Variants in KSR2 observed in about 807,000 individuals in gnomAD.
KSR2 encodes the protein kinase suppressor of ras 2.
A neutral mutation model predicts 107.8 loss-of-function variants in KSR2; 25 were observed. That is an observed-to-expected ratio of 0.23 (90% confidence interval 0.17 to 0.32). The LOEUF is 0.32. KSR2 is among the 10% of genes least tolerant of loss of function. The pLI is 1.00. For missense variants in KSR2, 887 were observed against 1,268.9 expected, an observed-to-expected ratio of 0.70 and a Z score of 4.57; for synonymous variants, 480 against 507.0, an observed-to-expected ratio of 0.95 and a Z score of 0.71.
At chr12:117,959,271 C>T (rs1399370737) in intron 1 of KSR2, among the ~76,000 whole-genome samples, 1 of 152,218 alleles carries the variant, frequency 6.6e-6, no homozygotes, top group Non-Finnish European at 1.5e-5. Context: ...TCAAACAGGA[C>T]TTGACTGTCA....
Position 117,776,220 on chromosome 12 carries a change from T to G in KSR2, c.473-14696A>C, listed in dbSNP as rs555867981. On this transcript the variant is annotated intron_variant, in intron 3 of 19. Coordinates refer to ENST00000339824, the MANE Select transcript of KSR2 (RefSeq NM_173598.6). ...GAATTGTTTTACAATATTTAGCATT[T>G]TAATTGTCAAGTGCAATTAAACCTG... 7.2e-5 allele frequency among the ~76,000 whole-genome samples: 11 copies of G among 152,196 alleles called. No individual in the cohort carries two copies. In the East Asian group the frequency reaches 2.1e-3, roughly 29 times the overall value.
chr12:117,719,047 A>C (rs1453578201), intron 4 of KSR2, among the ~76,000 whole-genome samples: 1 of 152,238 alleles, frequency 6.6e-6, no homozygotes, highest in Non-Finnish European at 1.5e-5. Context: ...AAATTTTACT[A>C]TGCAAAGCTA....
chr12:117,731,483 C>G (rs1215217020), intron 4 of KSR2, among the ~76,000 whole-genome samples: 1 of 151,842 alleles, frequency 6.6e-6, no homozygotes, highest in Non-Finnish European at 1.5e-5. Flanking sequence ...CCGGCCGCCC[C>G]ATCTGGGAAG....
rs1437214692 is a variant in KSR2 at position 117,717,710 on chromosome 12, T to TGC, written c.986+43300_986+43301insGC. Among the ~76,000 whole-genome samples, 6 of 129,876 alleles carry TGC rather than the reference T, an allele frequency of 4.6e-5. No homozygotes were observed. In the East Asian group the frequency reaches 1.1e-3, roughly 24 times the overall value. The allele number at this position is 129,876 out of a possible 152,430, so 85.2% of individuals were successfully genotyped here. A position where few individuals can be genotyped will look rare whatever the true frequency, so the allele number is the denominator to read the frequency against. On this transcript the variant is annotated intron_variant, in intron 4 of 19. Transcript: ENST00000339824. Reference sequence around the variant, plus strand: ...GTGTGTGTGTGTGTGTGTGTGTGTGTGTGCATGCGCGCGCGTGCATGCACG... The same window carrying TGC: ...GTGTGTGTGTGTGTGTGTGTGTGTGTGCGTGCATGCGCGCGCGTGCATGCACG...
chr12:117,698,449 G>C (rs1021237074), intron 4 of KSR2, among the ~76,000 whole-genome samples: 3 of 151,866 alleles, frequency 2.0e-5, no homozygotes, highest in Non-Finnish European at 4.4e-5. Context: ...CCAAGTAGCT[G>C]GGACTATGGG....
chr12:117,606,855 T>C (rs906312724), intron 5 of KSR2, among the ~76,000 whole-genome samples: 6 of 151,546 alleles, frequency 4.0e-5, no homozygotes, highest in Non-Finnish European at 5.9e-5. Flanking sequence ...AAGAAAACGA[T>C]GACGGCTGTG....
intron 3 of KSR2, among the ~76,000 whole-genome samples, chr12:117,773,098 T>C (rs1226972710): frequency 6.6e-6 from 1 of 152,186 alleles, no homozygotes; most frequent in Non-Finnish European, 1.5e-5. Context: ...ATGAGCTGTA[T>C]TGTATCAACT....
chr12:117,899,021 A>C (rs981887483), intron 1 of KSR2, among the ~76,000 whole-genome samples: 13 of 152,282 alleles, frequency 8.5e-5, no homozygotes, highest in African/African-American at 3.1e-4. Flanking sequence ...CTCCCTCCAT[A>C]GAATCTTGGC....
chr12:117,798,712 A>AT lies in KSR2; in HGVS notation c.473-37189_473-37188insA, dbSNP rs1463784186. Among the ~76,000 whole-genome samples the AT allele has an allele frequency of 4.9e-3, 375 of 76,442 alleles. 6 individuals carry two copies. The highest frequency in any genetic ancestry group is 0.041 in the East Asian group (82 of 2,020). 50.1% of individuals were successfully genotyped at this position (76,442 alleles called of 152,430 possible). A position where few individuals can be genotyped will look rare whatever the true frequency, so the allele number is the denominator to read the frequency against. ...AGGGGGAGGTAGGCAAAAAGTCCAA[A>AT]AAAAAAAAATATATATATATATATC... is the stretch of plus-strand genomic sequence containing the variant. On this transcript the variant is annotated intron_variant, in intron 3 of 19. Coordinates refer to ENST00000339824, the MANE Select transcript of KSR2 (RefSeq NM_173598.6).
chr12:117,760,869 G>GA, intron 4 of KSR2, 142 bp downstream of exon 4: 1 of 1,083,270 alleles, frequency 9.2e-7, no homozygotes, highest in Non-Finnish European at 1.3e-6. Flanking sequence ...AACCCTCTGT[G>GA]AAAAGCCATT....
At chr12:117,522,554 A>G (rs1317516768) in intron 14 of KSR2, among the ~76,000 whole-genome samples, 1 of 152,224 alleles carries the variant, frequency 6.6e-6, no homozygotes, top group Non-Finnish European at 1.5e-5. Context: ...AATCGCAAAA[A>G]TAGCCACAGA....
chr12:117,852,057 G>C (rs1892947134), intron 3 of KSR2, among the ~76,000 whole-genome samples: 1 of 151,778 alleles, frequency 6.6e-6, no homozygotes, highest in Non-Finnish European at 1.5e-5. Flanking sequence ...GCATGTATGT[G>C]TACCTATGTG....
chr12:117,916,358 A>C (rs1895175386), intron 1 of KSR2, among the ~76,000 whole-genome samples: 2 of 151,880 alleles, frequency 1.3e-5, no homozygotes, highest in South Asian at 4.2e-4. Flanking sequence ...GCTGGTCTCG[A>C]ACTCCCAACC....
At chr12:117,707,886 G>A (rs1018937299) in intron 4 of KSR2, among the ~76,000 whole-genome samples, 12 of 152,268 alleles carry the variant, frequency 7.9e-5, no homozygotes, top group African/African-American at 2.4e-4. Context: ...AATGATCTCT[G>A]GTAGTATTTC....
chr12:117,826,462 G>C, intron 3 of KSR2, among the ~76,000 whole-genome samples: 1 of 146,880 alleles, frequency 6.8e-6, no homozygotes, highest in Non-Finnish European at 1.5e-5. Flanking sequence ...CTGGGAAGGA[G>C]GAAAAAAAGA....
At chr12:117,574,506 G>GA (rs1417494183) in intron 7 of KSR2, among the ~76,000 whole-genome samples, 1 of 152,138 alleles carries the variant, frequency 6.6e-6, no homozygotes, top group African/African-American at 2.4e-5. Flanking sequence ...AGAGAATGAA[G>GA]AAAATCAAGC....
At chr12:117,914,290 G>A (rs151093841) in intron 1 of KSR2, among the ~76,000 whole-genome samples, 1,610 of 152,038 alleles carry the variant, frequency 0.011, 26 homozygotes, top group African/African-American at 0.037. Flanking sequence ...TTAGCCAGGC[G>A]TGGTGGCACA....
At chr12:117,592,738 C>T (rs1186353156) in intron 5 of KSR2, among the ~76,000 whole-genome samples, 1 of 152,122 alleles carries the variant, frequency 6.6e-6, no homozygotes, top group African/African-American at 2.4e-5. Flanking sequence ...CAATGGGAGA[C>T]CTGGGTGCCA....
intron 3 of KSR2, among the ~76,000 whole-genome samples, chr12:117,813,288 A>T (rs1891264148): frequency 1.3e-5 from 2 of 152,178 alleles, no homozygotes; most frequent in Admixed American, 1.3e-4. Flanking sequence ...GACAAATGGG[A>T]TTATATCAAA....
Sources: gnomAD v4.1 joint callset for allele counts (sites outside exome capture counted in the v4.1 genomes callset) on GRCh38, gnomAD v4.1.1 for gene constraint, MANE v1.5 for transcripts, NCBI Gene and HGNC (gene_info 2026-07-23, HGNC 2026-07-21) for gene names.